The following RAD51B variants were observed in gnomAD, a reference collection of about 807,000 sequenced individuals.
The protein encoded by RAD51B is DNA repair protein RAD51 homolog 2.
Under a neutral mutation model 42.2 loss-of-function variants are expected in RAD51B, and 38 were observed. That is an observed-to-expected ratio of 0.90 (90% CI 0.70 to 1.18). The LOEUF (loss-of-function observed/expected upper bound fraction) is 1.18. Ranked by LOEUF, RAD51B falls within the 50% of genes most tolerant of loss-of-function variation. The pLI is 0.00. For missense variants in RAD51B, 373 were observed against 400.7 expected, an observed-to-expected ratio of 0.93 and a Z score of 0.59; for synonymous variants, 154 against 145.2, an observed-to-expected ratio of 1.06 and a Z score of -0.43.
intron 9 of RAD51B, among the ~76,000 whole-genome samples, chr14:68,458,941 A>G (rs560644163): frequency 9.8e-5 from 15 of 152,354 alleles, no homozygotes; most frequent in Non-Finnish European, 2.1e-4. Flanking sequence ...CTCTGCCCGC[A>G]TAATCCTGCA....
intron 10 of RAD51B, among the ~76,000 whole-genome samples, chr14:68,604,154 C>T (rs780593267): frequency 8.7e-4 from 132 of 152,294 alleles, no homozygotes; most frequent in Middle Eastern, 3.4e-3. Flanking sequence ...TCTAGAAAGT[C>T]GCCTTTCATG....
chr14:68,230,232 G>T (rs893053186), intron 7 of RAD51B, among the ~76,000 whole-genome samples: 7 of 152,124 alleles, frequency 4.6e-5, no homozygotes, highest in Admixed American at 1.3e-4. Flanking sequence ...AATTACTTTG[G>T]CTAACTGAAA....
At chr14:68,022,155 C>G (rs561827437) in intron 7 of RAD51B, among the ~76,000 whole-genome samples, 6 of 152,270 alleles carry the variant, frequency 3.9e-5, no homozygotes, top group African/African-American at 1.4e-4. Context: ...CAATGTTTAG[C>G]TCCCATTTAT....
intron 11 of RAD51B, among the ~76,000 whole-genome samples, chr14:68,681,263 C>CA (rs980363020): frequency 3.9e-5 from 6 of 152,106 alleles, no homozygotes; most frequent in African/African-American, 1.4e-4. Flanking sequence ...TAGGGTTTAT[C>CA]AGAGGGTTTG....
At chr14:68,042,844 A>G (rs778382602) in intron 7 of RAD51B, among the ~76,000 whole-genome samples, 17 of 152,226 alleles carry the variant, frequency 1.1e-4, no homozygotes, top group African/African-American at 3.9e-4. Context: ...AACATTTTAC[A>G]ATTTCCATAT....
chr14:68,064,244 T>A (rs546208130), intron 7 of RAD51B, among the ~76,000 whole-genome samples: 68 of 152,302 alleles, frequency 4.5e-4, no homozygotes, highest in Non-Finnish European at 5.9e-4. Context: ...GGCTAGCAAT[T>A]TTTTTCTTTC....
At chr14:68,391,070 G>T (rs2083737585) in intron 8 of RAD51B, among the ~76,000 whole-genome samples, 1 of 152,154 alleles carries the variant, frequency 6.6e-6, no homozygotes, top group Non-Finnish European at 1.5e-5. Context: ...TTCAGTTTAG[G>T]ATATGTTCAC....
At chr14:67,881,812 A>G (rs1282533979) in intron 5 of RAD51B, among the ~76,000 whole-genome samples, 1 of 152,336 alleles carries the variant, frequency 6.6e-6, no homozygotes, top group East Asian at 1.9e-4. Flanking sequence ...TTTGTGGGCT[A>G]AAGTGGAAAT....
At chr14:68,493,103 T>A (rs1382910433) in intron 10 of RAD51B, among the ~76,000 whole-genome samples, 1 of 152,032 alleles carries the variant, frequency 6.6e-6, no homozygotes, top group African/African-American at 2.4e-5. Context: ...TGGACTCACT[T>A]CCTCCCTTTG....
intron 10 of RAD51B, among the ~76,000 whole-genome samples, chr14:68,494,735 T>C (rs1316637141): frequency 6.6e-6 from 1 of 152,272 alleles, no homozygotes; most frequent in South Asian, 2.1e-4. Flanking sequence ...TCCCTCGGAC[T>C]ATAGCCTCCC....
intron 8 of RAD51B, among the ~76,000 whole-genome samples, chr14:68,377,002 G>A (rs1194883363): frequency 6.6e-6 from 1 of 152,186 alleles, no homozygotes; most frequent in Non-Finnish European, 1.5e-5. Context: ...GTCTGGGAAT[G>A]TAGATAGTAT....
At chr14:67,974,548 A>C (rs2074954229) in intron 7 of RAD51B, among the ~76,000 whole-genome samples, 2 of 152,140 alleles carry the variant, frequency 1.3e-5, no homozygotes, top group African/African-American at 4.8e-5. Flanking sequence ...GGTTTGAATA[A>C]ATTCAAAGCT....
chr14:68,420,023 C>T (rs2084660101), intron 9 of RAD51B, among the ~76,000 whole-genome samples: 1 of 152,154 alleles, frequency 6.6e-6, no homozygotes, highest in African/African-American at 2.4e-5. Context: ...ATTTTTGACC[C>T]TTTGTGTTTT....
At chr14:67,835,514 C>A (rs915836551) in intron 4 of RAD51B, among the ~76,000 whole-genome samples, 1 of 151,316 alleles carries the variant, frequency 6.6e-6, no homozygotes, top group Admixed American at 6.6e-5. Context: ...GTTATATATA[C>A]ATACATGCAT....
intron 10 of RAD51B, among the ~76,000 whole-genome samples, chr14:68,619,952 T>C (rs1317798066): frequency 6.6e-6 from 1 of 152,184 alleles, no homozygotes; most frequent in Non-Finnish European, 1.5e-5. Flanking sequence ...TTTCACTTGA[T>C]CCTTGCCCCA....
At chr14:67,933,632 G>C (rs2044824902) in intron 7 of RAD51B, among the ~76,000 whole-genome samples, 1 of 152,148 alleles carries the variant, frequency 6.6e-6, no homozygotes, top group African/African-American at 2.4e-5. Context: ...GTCCCTTGGG[G>C]CTCATAGCTG....
rs1202417134 is a variant in RAD51B at position 67,989,668 on chromosome 14, A to AAG, written c.756+102465_756+102466insGA. ...AAAAAAAAAAAAAAAGAAAGAAAGA[A>AAG]AAAAGAAAAACTTTAAAAATGCACT... On this transcript the variant is annotated intron_variant, in intron 7 of 10. Transcript: ENST00000471583. 2.1e-3 allele frequency among the ~76,000 whole-genome samples: 322 copies of AAG among 150,726 alleles called. 3 individuals are homozygous for AAG. The highest frequency in any genetic ancestry group is 7.6e-3 in the African/African-American group (308 of 40,606).
chr14:68,615,641 G>A (rs1249395256), downstream of RAD51B, among the ~76,000 whole-genome samples: 2 of 152,086 alleles, frequency 1.3e-5, no homozygotes, highest in Non-Finnish European at 2.9e-5. Context: ...CACTGCACCT[G>A]GCTTAAATTT....
chr14:68,157,384 C>A (rs1009498404), intron 7 of RAD51B, among the ~76,000 whole-genome samples: 5 of 152,094 alleles, frequency 3.3e-5, no homozygotes, highest in African/African-American at 1.2e-4. Context: ...GATTAACATA[C>A]TTAAGCATGT....
Sources: gnomAD v4.1 joint callset for allele counts (sites outside exome capture counted in the v4.1 genomes callset) on GRCh38, gnomAD v4.1.1 for gene constraint, MANE v1.5 for transcripts, NCBI Gene and HGNC (gene_info 2026-07-23, HGNC 2026-07-21) for gene names.